The following GRIP2 variants were observed in gnomAD, a reference collection of about 807,000 sequenced individuals.
The protein encoded by GRIP2 is glutamate receptor-interacting protein 2.
Under a neutral mutation model 108.3 loss-of-function variants are expected in GRIP2, and 58 were observed. That is an observed-to-expected ratio of 0.54 (90% CI 0.43 to 0.67). GRIP2 has a LOEUF of 0.67. Ranked by LOEUF, GRIP2 falls within the 30% of genes least tolerant of loss-of-function variation. The probability of loss-of-function intolerance (pLI) is 0.00; values close to 1 mark genes in which losing one functional copy is unlikely to be tolerated. For missense variants in GRIP2, 1,278 were observed against 1,430.6 expected (o/e 0.89, Z 1.72); for synonymous variants, 586 against 598.2 (o/e 0.98, Z 0.30).
the GRIP2 span, among the ~76,000 whole-genome samples, chr3:14,567,889 GT>G: frequency 6.6e-6 from 1 of 152,228 alleles, no homozygotes; most frequent in Non-Finnish European, 1.5e-5. Context: ...TGGTTATGAG[GT>G]AGGGGGAGGT....
intron 21 of GRIP2, among the ~76,000 whole-genome samples, chr3:14,499,135 C>A (rs1165518691): frequency 6.6e-6 from 1 of 152,146 alleles, no homozygotes; most frequent in South Asian, 2.1e-4. Context: ...GTGACCTCCG[C>A]ATGAAGGTGG....
chr3:14,526,116 C>A (rs1373126693), intron 1 of GRIP2, 185 bp from the exon 2 acceptor site: 2 of 628,896 alleles, frequency 3.2e-6, no homozygotes, highest in African/African-American at 3.7e-5. Context: ...AAAGCCTGGC[C>A]CCTGCTCTTG....
At chr3:14,519,178 A>T (rs1694338918) in intron 9 of GRIP2, among the ~76,000 whole-genome samples, 2 of 152,166 alleles carry the variant, frequency 1.3e-5, no homozygotes, top group Admixed American at 6.5e-5. Context: ...CAGTCCCTGG[A>T]CTGTGGTTCA....
chr3:14,528,216 CCA>C (rs1332424078), intron 1 of GRIP2, among the ~76,000 whole-genome samples: 1 of 152,204 alleles, frequency 6.6e-6, no homozygotes, highest in Non-Finnish European at 1.5e-5. Context: ...TGAGATTCAG[CCA>C]CAGTGTCGTG....
upstream of GRIP2, chr3:14,540,356 G>A (rs965908553): frequency 3.1e-6 from 5 of 1,611,836 alleles, no homozygotes; most frequent in Admixed American, 1.7e-5. This position sits in a 1 kb window ranked among gnomAD's most constrained non-coding sequence, Gnocchi z 4.1. Context: ...CGGGAGCCAC[G>A]CTGCTTGGCC....
At chr3:14,535,162 A>G (rs1004151722) in intron 1 of GRIP2, among the ~76,000 whole-genome samples, 10 of 151,942 alleles carry the variant, frequency 6.6e-5, no homozygotes, top group African/African-American at 2.4e-4. Context: ...GGCGCTAAGT[A>G]CTCCACCAAG....
rs182202514 is a variant in GRIP2, at chr3:14,551,891, G to A, written c.55+4009C>T. ...CCTCAACTGCAAATGGGGCAATTTAGTTCATAACCCACAGGCCTGTTGCAA... is the reference window on the plus strand; with the variant it reads ...CCTCAACTGCAAATGGGGCAATTTAATTCATAACCCACAGGCCTGTTGCAA... On this transcript the variant is annotated intron_variant, in intron 1 of 23. Coordinates refer to the GRIP2 transcript ENST00000637182. 5.9e-5 allele frequency among the ~76,000 whole-genome samples: 9 copies of A among 152,258 alleles called. 1 individual carries two copies. The East Asian group carries it at 1.7e-3, about 29-fold the overall frequency.
At position 14,514,350 on chromosome 3, in the gene GRIP2, C is replaced by T. The variant is rs1047560168; in HGVS notation, c.1435G>A (p.Glu479Lys). 5 of 1,577,624 alleles carry T rather than the reference C, an allele frequency of 3.2e-6. No individual in the cohort carries two copies. The highest frequency in any genetic ancestry group is 4.3e-6 in the Non-Finnish European group (5 of 1,162,856). ...ACGAGGGGTGGGGAGGACAGGGTCT[C>T]GGTGGCGAAGATGCCGCCCTGGAGC... ...LQLQGGIFAT[E>K]TLSSPPLVCF... Residue 479 changes from glutamate (E) to lysine (K), a missense_variant, in exon 12 of 24, where the codon GAG becomes AAG. By Grantham distance (56) the Glu-to-Lys change is moderately conservative (BLOSUM62 1). Transcript: ENST00000621039.
At chr3:14,585,976 A>T in the GRIP2 span, among the ~76,000 whole-genome samples, 1 of 152,114 alleles carries the variant, frequency 6.6e-6, no homozygotes, top group African/African-American at 2.4e-5. Context: ...AATTCCTTCC[A>T]TTGGCCTGGC....
the GRIP2 span, among the ~76,000 whole-genome samples, chr3:14,586,626 GC>G: frequency 6.6e-6 from 1 of 152,210 alleles, no homozygotes; most frequent in African/African-American, 2.4e-5. Context: ...ATGAGGAATA[GC>G]CATACTCCAG....
At chr3:14,536,868 C>T (rs1694847490) in intron 1 of GRIP2, among the ~76,000 whole-genome samples, 1 of 152,200 alleles carries the variant, frequency 6.6e-6, no homozygotes, top group Non-Finnish European at 1.5e-5. Flanking sequence ...GTCCTCACCA[C>T]AACTGTCAGT....
At chr3:14,598,364 A>ACG in the GRIP2 span, among the ~76,000 whole-genome samples, 2 of 151,572 alleles carry the variant, frequency 1.3e-5, no homozygotes, top group Non-Finnish European at 2.9e-5. Flanking sequence ...ACACACACAC[A>ACG]CACGCACACA....
chr3:14,510,297 C>G (rs918252629), intron 16 of GRIP2, among the ~76,000 whole-genome samples: 4 of 135,902 alleles, frequency 2.9e-5, no homozygotes, highest in African/African-American at 1.1e-4. Flanking sequence ...GAGTCTTGCT[C>G]TGCTGCCCAG....
chr3:14,579,493 C>T, the GRIP2 span, among the ~76,000 whole-genome samples: 1 of 152,156 alleles, frequency 6.6e-6, no homozygotes, highest in African/African-American at 2.4e-5. Context: ...GGAGGACGGG[C>T]ATGTAGGAAC....
chr3:14,523,773 C>A, intron 4 of GRIP2, 75 bp from the exon 5 acceptor site: 1 of 964,672 alleles, frequency 1.0e-6, no homozygotes, highest in South Asian at 1.4e-5. Context: ...AAAGCTCATT[C>A]CAGGAGGACT....
chr3:14,506,258 G>A (rs1056296899), intron 19 of GRIP2, among the ~76,000 whole-genome samples: 4 of 152,208 alleles, frequency 2.6e-5, no homozygotes, highest in Admixed American at 2.0e-4. Flanking sequence ...GTTGGACCAT[G>A]GGGAGTTCCG....
rs567497776 is a variant in GRIP2 at position 14,506,442 on chromosome 3, G to A, written c.2398+359C>T. On this transcript the variant is annotated intron_variant, in intron 19 of 23. Coordinates refer to ENST00000621039, the MANE Select transcript of GRIP2 (RefSeq NM_001080423.4). ...CTTTTGGCCTCCCTATTTTCAACTG[G>A]ATGGAATGAACATTGTTGAGCACCT... Among the ~76,000 whole-genome samples, 9 of 152,316 alleles carry A rather than the reference G, an allele frequency of 5.9e-5. 1 individual carries two copies. The South Asian group carries it at 1.9e-3, about 32-fold the overall frequency.
At chr3:14,503,758 A>C (rs1309221628) in intron 20 of GRIP2, 87 bp from the exon 21 acceptor site, 3 of 106,024 alleles carry the variant, frequency 2.8e-5, no homozygotes, top group African/African-American at 2.4e-4. Context: ...CCCAGGGCCC[A>C]GCGTTGGGCT....
At position 14,493,304 on chromosome 3, in the gene GRIP2, G is replaced by T. The variant is rs991149968; in HGVS notation, c.*361C>A. Reference sequence around the variant, plus strand: ...AGCTCCATGGCTTTGCTGGGAGGAAGTGCTCCCTACATCTTCGACCTCTCC... The same window carrying T: ...AGCTCCATGGCTTTGCTGGGAGGAATTGCTCCCTACATCTTCGACCTCTCC... On this transcript the variant is annotated 3_prime_UTR_variant, in exon 24 of 24. Transcript: ENST00000621039. 9.0e-6 allele frequency: 2 copies of T among 222,540 alleles called. No homozygotes were observed. Among genetic ancestry groups the T allele is most frequent in the African/African-American group, 4.5e-5 (2 of 44,104 alleles). The allele number at this position is 222,540 out of a possible 1,614,324, so 13.8% of individuals were successfully genotyped here. A position where few individuals can be genotyped will look rare whatever the true frequency, so the allele number is the denominator to read the frequency against.
Sources: gnomAD v4.1 joint callset for allele counts (sites outside exome capture counted in the v4.1 genomes callset) on GRCh38, gnomAD v4.1.1 for gene constraint, Gnocchi (gnomAD v3.1) non-coding constraint, MANE v1.5 for transcripts, NCBI Gene and HGNC (gene_info 2026-07-23, HGNC 2026-07-21) for gene names.